The following PCDH15 variants were observed in gnomAD, a reference collection of about 807,000 sequenced individuals.
PCDH15 encodes the protein protocadherin related 15.
PCDH15 carries 129 observed loss-of-function variants against 178.5 expected under a neutral mutation model. The observed-to-expected ratio is 0.72, with a 90% CI of 0.63 to 0.84. The LOEUF (loss-of-function observed/expected upper bound fraction) is 0.84, where lower values mean the gene tolerates loss of function less well. Ranked by LOEUF, PCDH15 falls within the 40% of genes least tolerant of loss-of-function variation. The pLI is 0.00. For synonymous variants in PCDH15, 800 were observed against 732.0 expected, an observed-to-expected ratio of 1.09 and a Z score of -1.50; for missense variants, 2,230 against 2,099.9, an observed-to-expected ratio of 1.06 and a Z score of -1.21.
At chr10:53,994,143 C>A (rs377607521) in intron 21 of PCDH15, among the ~76,000 whole-genome samples, 1 of 152,158 alleles carries the variant, frequency 6.6e-6, no homozygotes, top group African/African-American at 2.4e-5. Flanking sequence ...CAACTTTTCG[C>A]ACCTTGGTGG....
At chr10:54,476,949 C>T (rs965684219) in intron 3 of PCDH15, among the ~76,000 whole-genome samples, 3 of 152,070 alleles carry the variant, frequency 2.0e-5, no homozygotes, top group Admixed American at 6.6e-5. Context: ...TTATTTCAGA[C>T]ACCATTTCTC....
intron 2 of PCDH15, among the ~76,000 whole-genome samples, chr10:55,579,366 A>C (rs950090504): frequency 6.6e-6 from 1 of 152,192 alleles, no homozygotes; most frequent in Non-Finnish European, 1.5e-5. Flanking sequence ...GTAACGCTTC[A>C]AACATCAGCT....
intron 3 of PCDH15, among the ~76,000 whole-genome samples, chr10:54,458,576 G>T (rs902118693): frequency 2.0e-5 from 3 of 151,984 alleles, no homozygotes; most frequent in South Asian, 4.2e-4. Context: ...TGTGATGCTT[G>T]CAGGGTGAAT....
intron 2 of PCDH15, among the ~76,000 whole-genome samples, chr10:55,543,933 A>C (rs1841819044): frequency 6.6e-6 from 1 of 151,254 alleles, no homozygotes; most frequent in Admixed American, 6.6e-5. Context: ...TGTAAGGATT[A>C]GTAAATTCCT....
chr10:54,655,237 GGAAA>G lies in PCDH15; in HGVS notation c.91+8931_91+8934del, dbSNP rs1351092726. 8.3e-3 allele frequency among the ~76,000 whole-genome samples: 831 copies of G among 99,990 alleles called. 22 individuals are homozygous for G. Among genetic ancestry groups the G allele is most frequent in the African/African-American group, 0.019 (488 of 25,704 alleles). 65.6% of individuals were successfully genotyped at this position (99,990 alleles called of 152,430 possible). A position where few individuals can be genotyped will look rare whatever the true frequency, so the allele number is the denominator to read the frequency against. On this transcript the variant is annotated intron_variant, in intron 2 of 37. Coordinates refer to ENST00000644397, the MANE Select transcript of PCDH15 (RefSeq NM_001384140.1). ...AAAAGGAAGGGAGGAAGGGAGGAAG[GGAAA>G]GAAAGAAAGAAAGAAAGAGAGAGAG... is the stretch of plus-strand genomic sequence containing the variant.
chr10:54,509,687 C>T (rs919431201), intron 3 of PCDH15, among the ~76,000 whole-genome samples: 1 of 152,094 alleles, frequency 6.6e-6, no homozygotes, highest in Non-Finnish European at 1.5e-5. Flanking sequence ...TTTCTTGGTT[C>T]CTCCGGTTTA....
At chr10:54,365,963 G>A (rs1268469446) in intron 5 of PCDH15, among the ~76,000 whole-genome samples, 1 of 152,070 alleles carries the variant, frequency 6.6e-6, no homozygotes, top group East Asian at 1.9e-4. Context: ...TGCTGATTGT[G>A]ATTATGATAT....
At chr10:55,143,988 T>C (rs1388106055) in intron 2 of PCDH15, among the ~76,000 whole-genome samples, 1 of 141,614 alleles carries the variant, frequency 7.1e-6, no homozygotes. Context: ...CCTAGAGAAA[T>C]TTCAGAGTCC....
chr10:54,355,763 T>C (rs1944882103), intron 5 of PCDH15, among the ~76,000 whole-genome samples: 1 of 152,060 alleles, frequency 6.6e-6, no homozygotes, highest in Non-Finnish European at 1.5e-5. Context: ...AGAAAAAAAT[T>C]GGTTCTCAGC....
At chr10:54,729,784 T>C (rs1017529467) in intron 1 of PCDH15, among the ~76,000 whole-genome samples, 1 of 151,204 alleles carries the variant, frequency 6.6e-6, no homozygotes, top group Non-Finnish European at 1.5e-5. Flanking sequence ...ATATATGCAG[T>C]AAACAACCTA....
chr10:55,354,377 C>A (rs552074693), intron 2 of PCDH15, among the ~76,000 whole-genome samples: 1 of 152,102 alleles, frequency 6.6e-6, no homozygotes, highest in African/African-American at 2.4e-5. Flanking sequence ...AGGGCACAAT[C>A]GGACTTAAAG....
At chr10:54,837,936 G>C (rs940290239) in intron 3 of PCDH15, among the ~76,000 whole-genome samples, 21 of 151,968 alleles carry the variant, frequency 1.4e-4, no homozygotes, top group African/African-American at 4.6e-4. Flanking sequence ...ACATGCTCTG[G>C]GAAACCGTCG....
intron 2 of PCDH15, among the ~76,000 whole-genome samples, chr10:55,063,188 A>G (rs1328401854): frequency 6.6e-6 from 1 of 152,140 alleles, no homozygotes; most frequent in Admixed American, 6.6e-5. Context: ...TTAACTGAAA[A>G]TGTACATAAG....
intron 1 of PCDH15, among the ~76,000 whole-genome samples, chr10:54,735,862 G>T (rs1944041188): frequency 8.8e-6 from 1 of 113,598 alleles, no homozygotes; most frequent in Non-Finnish European, 1.8e-5. Flanking sequence ...TCTGGGGACT[G>T]TTGTGGGGTG....
intron 1 of PCDH15, among the ~76,000 whole-genome samples, chr10:55,210,456 A>G (rs10509027): frequency 0.16 from 24,185 of 151,750 alleles, 2,611 homozygotes; most frequent in Non-Finnish European, 0.24. Context: ...TTTGAAGAAC[A>G]TAGACAATAG....
chr10:54,225,620 A>ATT (rs1215089583), intron 9 of PCDH15, among the ~76,000 whole-genome samples: 1 of 152,188 alleles, frequency 6.6e-6, no homozygotes, highest in African/African-American at 2.4e-5. Flanking sequence ...TTATTGCCCA[A>ATT]TTATCTAGAC....
chr10:54,001,308 G>A (rs1193824198), intron 20 of PCDH15, among the ~76,000 whole-genome samples: 1 of 152,094 alleles, frequency 6.6e-6, no homozygotes, highest in Non-Finnish European at 1.5e-5. Context: ...TGTAACTGTG[G>A]TGGTGTATAA....
At position 54,636,703 on chromosome 10, in the gene PCDH15, T is replaced by A. The variant is rs2093861953; in HGVS notation, c.91+27469A>T. 2.0e-5 allele frequency among the ~76,000 whole-genome samples: 3 copies of A among 152,096 alleles called. No homozygotes were observed. In the South Asian group the frequency reaches 6.2e-4, roughly 32 times the overall value. ...AGGAGGTCACGTCACCAGCATAGCA[T>A]TCCCAGTCAGCTTTCTAGAGCTAAT... On this transcript the variant is annotated intron_variant, in intron 2 of 37. Coordinates refer to ENST00000644397, the MANE Select transcript of PCDH15 (RefSeq NM_001384140.1).
chr10:53,965,978 AAC>A (rs2088971989), intron 21 of PCDH15, among the ~76,000 whole-genome samples: 1 of 150,880 alleles, frequency 6.6e-6, no homozygotes, highest in Non-Finnish European at 1.5e-5. Flanking sequence ...TGCTATCCAG[AAC>A]ATCTTAGAAC....
Sources: gnomAD v4.1 joint callset for allele counts (sites outside exome capture counted in the v4.1 genomes callset) on GRCh38, gnomAD v4.1.1 for gene constraint, MANE v1.5 for transcripts, NCBI Gene and HGNC (gene_info 2026-07-23, HGNC 2026-07-21) for gene names.